Variants in GAREM1 observed in about 807,000 individuals in gnomAD.
GAREM1 encodes GRB2 associated regulator of MAPK1 subtype 1, also known as GRB2-associated and regulator of MAPK protein 1.
GAREM1 carries 26 observed loss-of-function variants against 71.3 expected under a neutral mutation model. The observed-to-expected ratio is 0.36, with a 90% CI of 0.27 to 0.51. The LOEUF (loss-of-function observed/expected upper bound fraction) is 0.51, where lower values mean the gene tolerates loss of function less well. GAREM1 is among the 20% of genes least tolerant of loss of function. The probability of loss-of-function intolerance (pLI) is 0.95; values close to 1 mark genes in which losing one functional copy is unlikely to be tolerated. For synonymous variants in GAREM1, 440 were observed against 433.2 expected (o/e 1.02, Z -0.20); for missense variants, 1,026 against 1,103.1 (o/e 0.93, Z 0.99).
At chr18:32,451,959 G>A (rs1459238224) in intron 1 of GAREM1, among the ~76,000 whole-genome samples, 3 of 152,078 alleles carry the variant, frequency 2.0e-5, no homozygotes, top group African/African-American at 4.8e-5. Context: ...TACTGAAATC[G>A]GTGACAAAAG....
chr18:32,451,545 T>C (rs1382836949), intron 1 of GAREM1, among the ~76,000 whole-genome samples: 1 of 152,166 alleles, frequency 6.6e-6, no homozygotes, highest in Non-Finnish European at 1.5e-5. Flanking sequence ...CATTATCCAG[T>C]TATTAATCCT....
At chr18:32,412,756 C>G (rs200004964) in intron 1 of GAREM1, 2 of 1,332,058 alleles carry the variant, frequency 1.5e-6, no homozygotes, top group East Asian at 4.6e-5. Context: ...TTGCCACTGC[C>G]TCGGTCAGTC....
chr18:32,269,851 T>C (rs1014520505), intron 5 of GAREM1, among the ~76,000 whole-genome samples: 1 of 152,278 alleles, frequency 6.6e-6, no homozygotes, highest in East Asian at 1.9e-4. Flanking sequence ...TTTTAGGTCC[T>C]GGTCGAAGGT....
chr18:32,317,659 A>C (rs1490809268), intron 2 of GAREM1, among the ~76,000 whole-genome samples: 1 of 151,878 alleles, frequency 6.6e-6, no homozygotes, highest in Non-Finnish European at 1.5e-5. Context: ...GTGTTTTGCA[A>C]GATAAAATTT....
At chr18:32,377,072 C>T (rs2034968) in intron 2 of GAREM1, among the ~76,000 whole-genome samples, 2 of 152,020 alleles carry the variant, frequency 1.3e-5, no homozygotes, top group South Asian at 2.1e-4. Flanking sequence ...GCACAAAAAA[C>T]GTTAGGCAAC....
chr18:32,460,112 AT>A (rs1328420872), intron 1 of GAREM1, among the ~76,000 whole-genome samples: 2 of 131,898 alleles, frequency 1.5e-5, no homozygotes, highest in African/African-American at 6.3e-5. Context: ...CTGTCATCTT[AT>A]TTAAAAAAAA....
rs1344789032 is a variant in GAREM1 at position 32,266,701 on chromosome 18, A to G, written c.*1170T>C. The G allele has an allele frequency of 6.6e-6, 1 of 152,200 alleles. No individual in the cohort carries two copies. Among genetic ancestry groups the G allele is most frequent in the Non-Finnish European group, 1.5e-5 (1 of 68,040 alleles). The allele number at this position is 152,200 out of a possible 1,614,324, so 9.4% of individuals were successfully genotyped here. Reference sequence around the variant, plus strand: ...ATACTCAACAGATGTAGCATATATAATAATAAAGGCCGGTGCGTCTGATTT... The same window carrying G: ...ATACTCAACAGATGTAGCATATATAGTAATAAAGGCCGGTGCGTCTGATTT... On this transcript the variant is annotated 3_prime_UTR_variant, in exon 6 of 6. Transcript: ENST00000269209.
intron 2 of GAREM1, among the ~76,000 whole-genome samples, chr18:32,377,515 T>C (rs2048042536): frequency 6.6e-6 from 1 of 152,200 alleles, no homozygotes; most frequent in Admixed American, 6.5e-5. Context: ...GGCCACATGC[T>C]CCACGGCTGC....
rs557096292 is a variant in GAREM1 at position 32,285,166 on chromosome 18, A to C, written c.1566+1865T>G. Reference sequence around the variant, plus strand: ...GTTCCCCAAATAGTCCATGATATTTAGTGAATACAGGGATCTCTGGGCTTG... The same window carrying C: ...GTTCCCCAAATAGTCCATGATATTTCGTGAATACAGGGATCTCTGGGCTTG... On this transcript the variant is annotated intron_variant, in intron 4 of 5. Coordinates refer to ENST00000269209, the MANE Select transcript of GAREM1 (RefSeq NM_001242409.2). 2.6e-5 allele frequency among the ~76,000 whole-genome samples: 4 copies of C among 152,326 alleles called. No individual in the cohort carries two copies. The South Asian group carries it at 8.3e-4, about 32-fold the overall frequency.
intron 2 of GAREM1, among the ~76,000 whole-genome samples, chr18:32,347,065 A>C (rs2144585132): frequency 6.6e-6 from 1 of 152,320 alleles, no homozygotes; most frequent in African/African-American, 2.4e-5. Context: ...TGGGGCCTTT[A>C]ATTTATGGAA....
intron 2 of GAREM1, among the ~76,000 whole-genome samples, chr18:32,328,037 C>T (rs1040036348): frequency 7.9e-5 from 12 of 151,868 alleles, no homozygotes; most frequent in African/African-American, 2.7e-4. Context: ...AATATACAGG[C>T]CAAATTAATT....
intron 1 of GAREM1, among the ~76,000 whole-genome samples, chr18:32,410,791 C>T (rs1011058264): frequency 6.6e-6 from 1 of 152,076 alleles, no homozygotes; most frequent in African/African-American, 2.4e-5. Context: ...TCAACAAATA[C>T]GACTTCGGTT....
chr18:32,311,255 CTATAA>C (rs1456552042), intron 2 of GAREM1, among the ~76,000 whole-genome samples: 3 of 152,146 alleles, frequency 2.0e-5, no homozygotes. Flanking sequence ...TGAATCCTGG[CTATAA>C]TATAATACTC....
At chr18:32,401,706 C>G (rs1411776926) in intron 1 of GAREM1, among the ~76,000 whole-genome samples, 1 of 152,134 alleles carries the variant, frequency 6.6e-6, no homozygotes, top group Admixed American at 6.6e-5. Context: ...GGGGCGTATG[C>G]AGAAAACCCA....
intron 1 of GAREM1, among the ~76,000 whole-genome samples, chr18:32,467,575 C>T (rs1218170629): frequency 6.6e-6 from 1 of 152,128 alleles, no homozygotes; most frequent in Non-Finnish European, 1.5e-5. Flanking sequence ...AGAAATGTAC[C>T]AGCCCATAGT....
chr18:32,377,641 G>A (rs1290968211), intron 2 of GAREM1, among the ~76,000 whole-genome samples: 1 of 152,180 alleles, frequency 6.6e-6, no homozygotes, highest in East Asian at 1.9e-4. Context: ...TCAGCTCATT[G>A]CAACCTCTGC....
intron 2 of GAREM1, among the ~76,000 whole-genome samples, chr18:32,351,704 T>C (rs1185178956): frequency 6.0e-5 from 9 of 149,524 alleles, no homozygotes; most frequent in African/African-American, 1.5e-4. Flanking sequence ...CCTCTCTCTT[T>C]TTTTTTTTTT....
chr18:32,327,408 G>A (rs1337968266), intron 2 of GAREM1, among the ~76,000 whole-genome samples: 1 of 152,132 alleles, frequency 6.6e-6, no homozygotes, highest in African/African-American at 2.4e-5. Context: ...TTAATATCTA[G>A]TACATGGGAC....
At chr18:32,406,844 T>C (rs2048371278) in intron 1 of GAREM1, among the ~76,000 whole-genome samples, 1 of 152,132 alleles carries the variant, frequency 6.6e-6, no homozygotes, top group South Asian at 2.1e-4. Context: ...TATAAGAAAG[T>C]ATAAGACTGA....
Sources: allele counts gnomAD v4.1 joint callset (sites outside exome capture counted in the v4.1 genomes callset), GRCh38; gene constraint gnomAD v4.1.1; transcripts MANE v1.5; gene names NCBI Gene and HGNC (gene_info 2026-07-23, HGNC 2026-07-21).